The following RNF19A variants were observed in gnomAD, a reference collection of about 807,000 sequenced individuals.
The protein encoded by RNF19A is ring finger protein 19A, RBR E3 ubiquitin protein ligase, also known as E3 ubiquitin-protein ligase RNF19A.
RNF19A carries 32 observed loss-of-function variants against 75.7 expected under a neutral mutation model. The observed-to-expected ratio is 0.42, with a 90% CI of 0.32 to 0.57. RNF19A has a LOEUF of 0.57. Among genes scored for constraint, RNF19A ranks in the 20% least tolerant of loss-of-function variants. The pLI, the probability that RNF19A is intolerant of heterozygous loss-of-function variation, is 0.10. For synonymous variants in RNF19A, 335 were observed against 345.2 expected (o/e 0.97, Z 0.33); for missense variants, 782 against 1,036.3 (o/e 0.75, Z 3.37).
At position 100,261,067 on chromosome 8, in the gene RNF19A, TA is replaced by T. The variant is rs982184673; in HGVS notation, c.1682+474del. 1.5e-4 allele frequency among the ~76,000 whole-genome samples: 23 copies of T among 152,172 alleles called. No homozygotes were observed. The highest frequency in any genetic ancestry group is 5.5e-4 in the African/African-American group (23 of 41,448). ...GACAGTGAAAAAATTGGCAGAATGT[TA>T]TTCCTTAGACTTAGAAATCTACCAC... On this transcript the variant is annotated intron_variant, in intron 8 of 9. Transcript: ENST00000341084. This position sits in a 1 kb window ranked among gnomAD's most constrained non-coding sequence, Gnocchi z 4.4.
At chr8:100,314,199 C>T (rs1393140574), upstream of RNF19A, among the ~76,000 whole-genome samples, 1 of 151,784 alleles carries the variant, frequency 6.6e-6, no homozygotes, top group African/African-American at 2.4e-5. The surrounding 1 kb of genome is among the most constrained non-coding windows in gnomAD (Gnocchi z 4.1). Context: ...CTCTTTATTG[C>T]ATACATACTA....
chr8:100,316,145 TGA>T (rs1563872955), intron 1 of RNF19A, among the ~76,000 whole-genome samples: 2 of 152,034 alleles, frequency 1.3e-5, no homozygotes. Flanking sequence ...ACCTTCGCGG[TGA>T]GTGTTACAGC....
chr8:100,257,135 A>AGT lies in RNF19A; in HGVS notation c.*1420_*1421insAC, dbSNP rs1396856649. 1.3e-5 allele frequency: 2 copies of AGT among 152,686 alleles called. No individual in the cohort carries two copies. The highest frequency in any genetic ancestry group is 2.9e-5 in the Non-Finnish European group (2 of 68,044). 9.5% of individuals were successfully genotyped at this position (152,686 alleles called of 1,614,324 possible). ...TCATTATTAAACAAAATTGGAATGC[A>AGT]AACAAATATACAAATACCATAAGCA... is the stretch of plus-strand genomic sequence containing the variant. On this transcript the variant is annotated 3_prime_UTR_variant, in exon 10 of 10. Transcript: ENST00000341084.
intron 1 of RNF19A, chr8:100,309,635 G>A: frequency 3.2e-6 from 3 of 925,342 alleles, no homozygotes; most frequent in Non-Finnish European, 3.9e-6. Context: ...CCGCGCCTGG[G>A]CCGGGTAGGG....
At chr8:100,318,105 C>T (rs1338515688) in intron 1 of RNF19A, among the ~76,000 whole-genome samples, 1 of 152,126 alleles carries the variant, frequency 6.6e-6, no homozygotes, top group Non-Finnish European at 1.5e-5. Flanking sequence ...TTATAGGAGC[C>T]ATGAAACTTG....
intron 2 of RNF19A, among the ~76,000 whole-genome samples, chr8:100,278,151 AGC>A (rs1820613038): frequency 6.6e-6 from 1 of 152,254 alleles, no homozygotes. Flanking sequence ...AGTTTGGCTT[AGC>A]CTCAGTATTC....
chr8:100,277,789 AT>A (rs147432652), intron 2 of RNF19A, among the ~76,000 whole-genome samples: 38,423 of 151,856 alleles, frequency 0.25, 5,065 homozygotes, highest in African/African-American at 0.31. Flanking sequence ...AAAAGACCCT[AT>A]TTTTTTTAAT....
At chr8:100,285,329 C>T (rs1052531566) in intron 2 of RNF19A, among the ~76,000 whole-genome samples, 1 of 152,036 alleles carries the variant, frequency 6.6e-6, no homozygotes, top group African/African-American at 2.4e-5. Flanking sequence ...TAATGTTTTC[C>T]CCCTCAAATA....
At chr8:100,270,034 T>C (rs749929098) in intron 3 of RNF19A, 21 bp from the exon 4 acceptor site, 2 of 1,544,530 alleles carry the variant, frequency 1.3e-6, no homozygotes, top group South Asian at 2.5e-5. Context: ...CACAGAGAAA[T>C]CTATTAAGTA....
At chr8:100,319,752 T>A (rs1203509256) in intron 1 of RNF19A, among the ~76,000 whole-genome samples, 14 of 147,290 alleles carry the variant, frequency 9.5e-5, no homozygotes, top group East Asian at 4.1e-4. Context: ...CTGGTCTCCA[T>A]CTCCTGACCT....
At chr8:100,270,239 A>G (rs2132535758) in intron 3 of RNF19A, among the ~76,000 whole-genome samples, 1 of 152,244 alleles carries the variant, frequency 6.6e-6, no homozygotes, top group South Asian at 2.1e-4. Context: ...ATAGTAGTAA[A>G]ACAATGAGAA....
chr8:100,318,312 T>C (rs1822412896), intron 1 of RNF19A, among the ~76,000 whole-genome samples: 1 of 152,208 alleles, frequency 6.6e-6, no homozygotes, highest in Non-Finnish European at 1.5e-5. Flanking sequence ...GGTCTGTGTA[T>C]AAGATTTAAA....
chr8:100,268,855 C>A lies in RNF19A; in HGVS notation c.1121G>T (p.Gly374Val), dbSNP rs1820119804. The A allele has an allele frequency of 1.2e-6, 2 of 1,603,890 alleles. No homozygotes were observed. Among genetic ancestry groups the A allele is most frequent in the Non-Finnish European group, 1.7e-6 (2 of 1,174,020 alleles). ...QLGTLVGAPV[G>V]IALIAGIAIP... ...AGCAATGCCAGCTATTAAAGCGATT[C>A]CGACAGGAGCACCAACCAGTGTTCC... Residue 374 changes from glycine (G) to valine (V), a missense_variant, in exon 5 of 10, where the codon GGA (glycine) becomes GTA (valine). Gly to Val is a moderately radical substitution (Grantham distance 109, BLOSUM62 -3). Coordinates refer to ENST00000341084, the MANE Select transcript of RNF19A (RefSeq NM_183419.4).
upstream of RNF19A, among the ~76,000 whole-genome samples, chr8:100,311,727 AAAAAAAAAAAAAG>A (rs1217015239): frequency 2.0e-5 from 3 of 150,198 alleles, no homozygotes; most frequent in East Asian, 1.9e-4. Flanking sequence ...CAAAAAAAAA[AAAAAAAAAAAAAG>A]AAAAGAAAAT....
chr8:100,288,391 C>A, intron 1 of RNF19A, 124 bp from the exon 2 acceptor site: 4 of 492,350 alleles, frequency 8.1e-6, no homozygotes, highest in South Asian at 5.4e-5. Flanking sequence ...TTTTTTTTAA[C>A]AAGGCCAATT....
intron 2 of RNF19A, among the ~76,000 whole-genome samples, chr8:100,281,975 C>G (rs971499607): frequency 2.9e-4 from 44 of 152,136 alleles, no homozygotes; most frequent in Admixed American, 2.9e-3. Context: ...TTAGGATTTG[C>G]AACCTGCAGA....
rs1358050249 is a variant in RNF19A, at chr8:100,287,754, T to C, written c.421A>G (p.Lys141Glu). 2 of 1,614,164 alleles carry C rather than the reference T, an allele frequency of 1.2e-6. No individual in the cohort carries two copies. Among genetic ancestry groups the C allele is most frequent in the Non-Finnish European group, 1.7e-6 (2 of 1,180,036 alleles). The change falls in exon 2 of 10, where the codon AAA becomes GAA. Residue 141 changes from lysine (K) to glutamate (E), a missense_variant. By Grantham distance (56) the Lys-to-Glu change is moderately conservative. Transcript: ENST00000341084. The surrounding 1 kb of genome is among the most constrained non-coding windows in gnomAD (Gnocchi z 4.1). ...ECPLCLLRHS[K>E]DRFPDIMTCH... ...GTCATTATATCAGGAAATCTGTCTTTAGAATGCCGCAAAAGGCACAAAGGG... is the reference window on the plus strand; with the variant it reads ...GTCATTATATCAGGAAATCTGTCTTCAGAATGCCGCAAAAGGCACAAAGGG...
At chr8:100,310,405 G>T (rs1451721813), upstream of RNF19A, 1 of 246,312 alleles carries the variant, frequency 4.1e-6, no homozygotes, top group African/African-American at 2.3e-5. Context: ...CCGGTTCTCC[G>T]TGGCCCAGAG....
rs1452274719 is a variant in RNF19A at position 100,317,145 on chromosome 8, C to T, written c.-242-3773G>A. On this transcript the variant is annotated intron_variant, in intron 1 of 3. Transcript: ENST00000519527. The surrounding 1 kb of genome is among the most constrained non-coding windows in gnomAD (Gnocchi z 4.3). ...CGCAAGCGCCGCACGCAGCCCAGCC[C>T]GGGTTCCCGCTCGCGCCTCTCCCTC... Among the ~76,000 whole-genome samples the T allele has an allele frequency of 1.3e-5, 2 of 152,236 alleles. No individual in the cohort carries two copies. The highest frequency in any genetic ancestry group is 2.1e-4 in the South Asian group (1 of 4,834).
Sources: allele counts gnomAD v4.1 joint callset (sites outside exome capture counted in the v4.1 genomes callset), GRCh38; gene constraint gnomAD v4.1.1; non-coding constraint Gnocchi (gnomAD v3.1); transcripts MANE v1.5; gene names NCBI Gene and HGNC (gene_info 2026-07-23, HGNC 2026-07-21).